Variants in CMTM4 observed in about 807,000 individuals in gnomAD.
CMTM4 encodes CKLF like MARVEL transmembrane domain containing 4, also known as CKLF-like MARVEL transmembrane domain-containing protein 4.
A neutral mutation model predicts 19.0 loss-of-function variants in CMTM4; 8 were observed. The observed-to-expected ratio is 0.42, with a 90% confidence interval of 0.25 to 0.76. The LOEUF is 0.76. Among genes scored for constraint, CMTM4 ranks in the 30% least tolerant of loss-of-function variants. The pLI is 0.27. For synonymous variants in CMTM4, 106 were observed against 121.1 expected (o/e 0.88, Z 0.82); for missense variants, 228 against 290.2 (o/e 0.79, Z 1.56).
intron 1 of CMTM4, among the ~76,000 whole-genome samples, chr16:66,677,034 A>T (rs1156934103): frequency 6.6e-6 from 1 of 152,100 alleles, no homozygotes; most frequent in Non-Finnish European, 1.5e-5. Context: ...TGAGCCCAGG[A>T]GTTCAAGAGC....
chr16:66,609,629 C>A, the CMTM4 span: 1 of 1,514,394 alleles, frequency 6.6e-7, no homozygotes, highest in African/African-American at 1.4e-5. The surrounding 1 kb of genome is among the most constrained non-coding windows in gnomAD (Gnocchi z 4.4). Context: ...TGGGGCCCCC[C>A]TGGGGTCTCA....
chr16:66,648,026 T>C (rs1468878723), intron 1 of CMTM4, among the ~76,000 whole-genome samples: 2 of 152,248 alleles, frequency 1.3e-5, no homozygotes, highest in East Asian at 1.9e-4. Context: ...GAGTCATTAA[T>C]GCTGGCTGCC....
At chr16:66,613,168 A>G, downstream of CMTM4, 7 of 702,266 alleles carry the variant, frequency 1.0e-5, no homozygotes, top group Non-Finnish European at 1.3e-5. Context: ...TTCCCTCTTC[A>G]TTCTTGAAGC....
Position 66,617,249 on chromosome 16 carries a change from A to T in CMTM4, c.*4809T>A. 6.2e-7 allele frequency: 1 copy of T among 1,605,416 alleles called. No homozygotes were observed. On this transcript the variant is annotated 3_prime_UTR_variant, in exon 4 of 4. Transcript: ENST00000394106. ...AACTTACCCTATGAAATAGATACAC[A>T]GTTCAAGGACCCATCATCTGAACTT...
chr16:66,620,058 CA>C lies in CMTM4; in HGVS notation c.*1999del. Reference sequence around the variant, plus strand: ...GCTGGGAAAACTTGGGCAACAAGCCCACCTGAATGGTGTTCTTGTTTTCAAT... The same window carrying C: ...GCTGGGAAAACTTGGGCAACAAGCCCCCTGAATGGTGTTCTTGTTTTCAAT... On this transcript the variant is annotated 3_prime_UTR_variant, in exon 4 of 4. Transcript: ENST00000394106. 1.0e-6 allele frequency: 1 copy of C among 985,402 alleles called. No individual in the cohort carries two copies. The highest frequency in any genetic ancestry group is 1.2e-6 in the Non-Finnish European group (1 of 829,930). The allele number at this position is 985,402 out of a possible 1,614,324, so 61.0% of individuals were successfully genotyped here. A position where few individuals can be genotyped will look rare whatever the true frequency, so the allele number is the denominator to read the frequency against.
intron 1 of CMTM4, among the ~76,000 whole-genome samples, chr16:66,693,048 A>AC (rs1279479153): frequency 6.6e-6 from 1 of 150,894 alleles, no homozygotes; most frequent in East Asian, 2.0e-4. Context: ...ACATGACGAA[A>AC]CCCCGTCTCC....
intron 2 of CMTM4, among the ~76,000 whole-genome samples, chr16:66,627,533 A>G (rs1227686719): frequency 6.6e-6 from 1 of 152,238 alleles, no homozygotes; most frequent in African/African-American, 2.4e-5. Context: ...TAGCACTCCA[A>G]AAAAAGCCTC....
At chr16:66,690,889 T>C (rs2017122370) in intron 1 of CMTM4, among the ~76,000 whole-genome samples, 1 of 152,124 alleles carries the variant, frequency 6.6e-6, no homozygotes, top group Non-Finnish European at 1.5e-5. Context: ...GCAGGATTGC[T>C]TGAGCTCAGG....
intron 1 of CMTM4, among the ~76,000 whole-genome samples, chr16:66,638,154 T>C (rs48573): frequency 0.19 from 29,100 of 152,180 alleles, 4,418 homozygotes; most frequent in African/African-American, 0.41. Context: ...AGCTGGTTCA[T>C]CTGTGATTGC....
intron 1 of CMTM4, among the ~76,000 whole-genome samples, chr16:66,684,249 T>C (rs1002231330): frequency 6.6e-6 from 1 of 152,108 alleles, no homozygotes; most frequent in Admixed American, 6.6e-5. Flanking sequence ...CTCGGCTTAC[T>C]GAAACCTCCA....
At chr16:66,683,183 A>ATATATATATATACG (rs1567432290) in intron 1 of CMTM4, among the ~76,000 whole-genome samples, 28 of 90,652 alleles carry the variant, frequency 3.1e-4, no homozygotes, top group African/African-American at 9.3e-4. Context: ...ATACATATGT[A>ATATATATATATACG]TATATATATA....
intron 1 of CMTM4, among the ~76,000 whole-genome samples, chr16:66,683,176 C>CATATATATATATATATATACAT (rs71378404): frequency 2.8e-5 from 3 of 106,048 alleles, no homozygotes; most frequent in Non-Finnish European, 5.4e-5. Context: ...TATATATATA[C>CATATATATATATATATATACAT]ATATGTATAT....
At chr16:66,601,574 T>C in the CMTM4 span, among the ~76,000 whole-genome samples, 1 of 152,200 alleles carries the variant, frequency 6.6e-6, no homozygotes, top group Non-Finnish European at 1.5e-5. Context: ...TCGGTCGGAC[T>C]GGCAGCCTGG....
intron 1 of CMTM4, among the ~76,000 whole-genome samples, chr16:66,639,209 C>T (rs190766989): frequency 1.5e-4 from 23 of 152,286 alleles, no homozygotes; most frequent in Admixed American, 9.8e-4. Flanking sequence ...AGGGAAACTC[C>T]TAAACTTTCC....
intron 1 of CMTM4, among the ~76,000 whole-genome samples, chr16:66,686,467 T>C (rs1284818567): frequency 1.4e-5 from 2 of 147,012 alleles, no homozygotes; most frequent in African/African-American, 5.0e-5. Context: ...GAGAATTGCT[T>C]GAACCCAGGA....
chr16:66,630,667 T>C (rs1414532808), intron 2 of CMTM4, among the ~76,000 whole-genome samples: 1 of 152,016 alleles, frequency 6.6e-6, no homozygotes, highest in South Asian at 2.1e-4. Flanking sequence ...TGGAGTGCAG[T>C]GGCGTGATCT....
At position 66,696,393 on chromosome 16, in the gene CMTM4, A is replaced by G. The variant is rs1466429145; in HGVS notation, c.133T>C (p.Cys45Arg). Residue 45 changes from cysteine (C) to arginine (R), a missense_variant, in exon 1 of 4, where the codon TGC (cysteine) becomes CGC (arginine). Physicochemically the swap from Cys to Arg is radical, Grantham distance 180. Transcript: ENST00000394106. This position sits in a 1 kb window ranked among gnomAD's most constrained non-coding sequence, Gnocchi z 4.3. ...SQRRGLAGLR[C>R]DPDYLRGALG... ...GCGCCGCGCAGGTAGTCGGGGTCGC[A>G]GCGCAGGCCGGCCAGCCCGCGGCGC... The G allele has an allele frequency of 7.1e-6, 10 of 1,417,710 alleles. No homozygotes were observed. The highest frequency in any genetic ancestry group is 9.2e-6 in the Non-Finnish European group (10 of 1,087,338). 87.8% of individuals were successfully genotyped at this position (1,417,710 alleles called of 1,614,324 possible).
At position 66,622,281 on chromosome 16, in the gene CMTM4, T is replaced by G; in HGVS notation, c.463-59A>C. ...ACGTGGCCTGGCCCCTCAAGGCTTC[T>G]GTGGTGACCCAAGCCACATGCAGCC... is the stretch of plus-strand genomic sequence containing the variant. On this transcript the variant is annotated intron_variant, in intron 3 of 3. Transcript: ENST00000394106. The surrounding 1 kb of genome is among the most constrained non-coding windows in gnomAD (Gnocchi z 4.0). 6.3e-7 allele frequency: 1 copy of G among 1,578,718 alleles called. No individual in the cohort carries two copies. Among genetic ancestry groups the G allele is most frequent in the East Asian group, 2.3e-5 (1 of 44,256 alleles).
intron 1 of CMTM4, among the ~76,000 whole-genome samples, chr16:66,671,273 C>A (rs1179254951): frequency 6.6e-6 from 1 of 152,040 alleles, no homozygotes; most frequent in Non-Finnish European, 1.5e-5. Context: ...GGGCTAACTT[C>A]GGGAGTCTCC....
Sources: gnomAD v4.1 joint callset for allele counts (sites outside exome capture counted in the v4.1 genomes callset) on GRCh38, gnomAD v4.1.1 for gene constraint, Gnocchi (gnomAD v3.1) non-coding constraint, MANE v1.5 for transcripts, NCBI Gene and HGNC (gene_info 2026-07-23, HGNC 2026-07-21) for gene names.